Variants in WLS observed in about 807,000 individuals in gnomAD.
WLS encodes the protein Wnt ligand secretion mediator.
WLS carries 23 observed loss-of-function variants against 62.8 expected under a neutral mutation model. That is an observed-to-expected ratio of 0.37 (90% CI 0.26 to 0.52). WLS has a LOEUF of 0.52. Among genes scored for constraint, WLS ranks in the 20% least tolerant of loss-of-function variants. The pLI is 0.92. For synonymous variants in WLS, 246 were observed against 244.1 expected (o/e 1.01, Z -0.07); for missense variants, 615 against 697.3 (o/e 0.88, Z 1.33).
intron 11 of WLS, among the ~76,000 whole-genome samples, chr1:68,116,080 A>G (rs1570813358): frequency 6.6e-6 from 1 of 152,192 alleles, no homozygotes; most frequent in African/African-American, 2.4e-5. Flanking sequence ...GAAGTCCCTC[A>G]TTTCTTCATT....
chr1:68,110,000 CAAAAAGTAAAAAAAAAAA>C (rs1295685643), intron 11 of WLS, among the ~76,000 whole-genome samples: 4 of 98,674 alleles, frequency 4.1e-5, no homozygotes, highest in African/African-American at 1.5e-4. Flanking sequence ...GAACACAACA[CAAAAAGTAAAAAAAAAAA>C]AAAAAAAAAA....
Position 68,145,943 on chromosome 1 carries a change from G to T in WLS, c.1204C>A (p.Gln402Lys), listed in dbSNP as rs771236969. The T allele has an allele frequency of 6.2e-7, 1 of 1,614,150 alleles. No individual in the cohort carries two copies. Among genetic ancestry groups the T allele is most frequent in the South Asian group, 1.1e-5 (1 of 91,074 alleles). ...TTCCCACTGATGTTCCGAAACACCT[G>T]AAATACCATGAAGCATAGAAACAGG... ...YFLFLCFMVF[Q>K]VFRNISGKQS... The change falls in exon 9 of 12, where the codon CAG becomes AAG. Residue 402 changes from glutamine (Q) to lysine (K), a missense_variant. Gln to Lys is a moderately conservative substitution (Grantham distance 53). Coordinates refer to ENST00000262348, the MANE Select transcript of WLS (RefSeq NM_024911.7).
chr1:68,138,215 C>T, intron 10 of WLS: 1 of 384,704 alleles, frequency 2.6e-6, no homozygotes, highest in Non-Finnish European at 4.7e-6. Context: ...CAATTCATTG[C>T]TATCCCTAAG....
chr1:68,171,513 C>T (rs1344087184), intron 2 of WLS, among the ~76,000 whole-genome samples: 3 of 151,956 alleles, frequency 2.0e-5, no homozygotes, highest in African/African-American at 7.3e-5. Flanking sequence ...AGGATATGAA[C>T]AGCCACTTCG....
chr1:68,186,081 T>A lies in WLS; in HGVS notation c.379+7874A>T, dbSNP rs552157791. Among the ~76,000 whole-genome samples, 8 of 152,310 alleles carry A rather than the reference T, an allele frequency of 5.3e-5. No homozygotes were observed. The East Asian group carries it at 1.5e-3, about 29-fold the overall frequency. Reference sequence around the variant, plus strand: ...CCTATCACTCAGGAGATTCCAAGAATTTTAGAAGCTGTGTATCAGGAAATT... The same window carrying A: ...CCTATCACTCAGGAGATTCCAAGAAATTTAGAAGCTGTGTATCAGGAAATT... On this transcript the variant is annotated intron_variant, in intron 2 of 11. Transcript: ENST00000262348.
intron 1 of WLS, among the ~76,000 whole-genome samples, chr1:68,200,307 C>G (rs554492113): frequency 6.6e-6 from 1 of 152,286 alleles, no homozygotes; most frequent in South Asian, 2.1e-4. Flanking sequence ...AGTTAAAAAG[C>G]TGCCAGCACC....
chr1:68,228,380 G>T, intron 1 of WLS: 1 of 299,962 alleles, frequency 3.3e-6, no homozygotes, highest in Non-Finnish European at 6.5e-6. Context: ...TGACTAATTT[G>T]AAGCTGAGCA....
intron 1 of WLS, among the ~76,000 whole-genome samples, chr1:68,199,980 C>A (rs1648911421): frequency 6.6e-6 from 1 of 152,018 alleles, no homozygotes; most frequent in African/African-American, 2.4e-5. Context: ...GTCTGCCTTG[C>A]AACAAAGATG....
At chr1:68,211,322 A>G (rs1381779243) in intron 1 of WLS, among the ~76,000 whole-genome samples, 1 of 152,086 alleles carries the variant, frequency 6.6e-6, no homozygotes, top group Admixed American at 6.5e-5. Context: ...TAAAAGAAAA[A>G]AAAAAAAAAG....
chr1:68,186,920 G>C (rs954508506), intron 2 of WLS, among the ~76,000 whole-genome samples: 1 of 151,956 alleles, frequency 6.6e-6, no homozygotes, highest in African/African-American at 2.4e-5. Flanking sequence ...TCATATAATA[G>C]TTAGCAGCTG....
intron 2 of WLS, among the ~76,000 whole-genome samples, chr1:68,193,420 AAAAAAAAAAAAAAAAAAAAAAACG>A (rs1648464356): frequency 7.3e-6 from 1 of 136,356 alleles, no homozygotes; most frequent in Non-Finnish European, 1.5e-5. Context: ...AAAAAAAAAA[AAAAAAAAAAAAAAAAAAAAAAACG>A]AAAAAAAAAC....
At chr1:68,103,047 C>A (rs1324231941) in intron 11 of WLS, among the ~76,000 whole-genome samples, 2 of 152,194 alleles carry the variant, frequency 1.3e-5, no homozygotes, top group African/African-American at 2.4e-5. Context: ...CTGTATCTGA[C>A]CCCAGTGGAC....
chr1:68,223,027 C>T (rs1650004747), intron 1 of WLS, among the ~76,000 whole-genome samples: 1 of 152,144 alleles, frequency 6.6e-6, no homozygotes, highest in South Asian at 2.1e-4. Context: ...GACTTTTAAT[C>T]AATTTCTTGT....
At chr1:68,152,676 C>T (rs961940151) in intron 5 of WLS, among the ~76,000 whole-genome samples, 7 of 152,162 alleles carry the variant, frequency 4.6e-5, no homozygotes, top group African/African-American at 1.7e-4. Flanking sequence ...GAGGAGAAGA[C>T]ATATGCACAA....
At chr1:68,123,520 T>A (rs562282305), downstream of WLS, among the ~76,000 whole-genome samples, 15 of 152,050 alleles carry the variant, frequency 9.9e-5, no homozygotes, top group South Asian at 3.1e-3. Flanking sequence ...GCTGGACCCC[T>A]CAGTTCTAAT....
intron 1 of WLS, chr1:68,228,111 T>C: frequency 2.8e-6 from 1 of 353,970 alleles, no homozygotes; most frequent in South Asian, 2.3e-5. Flanking sequence ...ACAGTATACA[T>C]TACATCCTCA....
intron 11 of WLS, among the ~76,000 whole-genome samples, chr1:68,128,869 C>A (rs1413305968): frequency 6.7e-6 from 1 of 150,258 alleles, no homozygotes; most frequent in Non-Finnish European, 1.5e-5. Context: ...TTGCCCAAGG[C>A]CCAAGCTGCT....
At chr1:68,193,917 C>A in intron 2 of WLS, 38 bp downstream of exon 2, 1 of 1,590,330 alleles carries the variant, frequency 6.3e-7, no homozygotes, top group South Asian at 1.2e-5. Context: ...GGGCAATGCT[C>A]AAAGGGAAGA....
intron 2 of WLS, among the ~76,000 whole-genome samples, chr1:68,192,512 G>A (rs552296783): frequency 1.3e-5 from 2 of 151,710 alleles, no homozygotes; most frequent in South Asian, 2.1e-4. Flanking sequence ...GGGAGGTTGA[G>A]GCTGCAGTGA....
Sources: gnomAD v4.1 joint callset for allele counts (sites outside exome capture counted in the v4.1 genomes callset) on GRCh38, gnomAD v4.1.1 for gene constraint, MANE v1.5 for transcripts, NCBI Gene and HGNC (gene_info 2026-07-23, HGNC 2026-07-21) for gene names.